COL1A1: variants seen among roughly 807,000 people sequenced by gnomAD.
COL1A1 encodes the protein collagen alpha-1(I) chain.
A neutral mutation model predicts 195.7 loss-of-function variants in COL1A1; 21 were observed. The observed-to-expected ratio is 0.11, with a 90% confidence interval of 0.08 to 0.15. The LOEUF (loss-of-function observed/expected upper bound fraction) is 0.15. Ranked by LOEUF, COL1A1 falls within the 10% of genes least tolerant of loss-of-function variation. COL1A1 has a pLI of 1.00. For synonymous variants in COL1A1, 749 were observed against 747.3 expected, an observed-to-expected ratio of 1.00 and a Z score of -0.04; for missense variants, 1,365 against 2,051.0, an observed-to-expected ratio of 0.67 and a Z score of 6.46.
rs66592376 is a variant in COL1A1 at position 50,192,029 on chromosome 17, G to C, written c.1984-5C>G. ...GCCAAGGTCTCCAGGAACACCCTGAGGGGGAGGGAGAGAGGAACAGACAGT... is the reference window on the plus strand; with the variant it reads ...GCCAAGGTCTCCAGGAACACCCTGACGGGGAGGGAGAGAGGAACAGACAGT... On this transcript the variant is annotated splice_polypyrimidine_tract_variant and splice_region_variant and intron_variant, in intron 29 of 50. Coordinates refer to ENST00000225964, the MANE Select transcript of COL1A1 (RefSeq NM_000088.4). 13 of 1,611,936 alleles carry C rather than the reference G, an allele frequency of 8.1e-6. No individual in the cohort carries two copies. Among genetic ancestry groups the C allele is most frequent in the Middle Eastern group, 1.6e-4 (1 of 6,082 alleles).
intron 26 of COL1A1, 25 bp from the exon 27 acceptor site, chr17:50,192,875 C>G (rs775764038): frequency 1.9e-6 from 3 of 1,613,732 alleles, no homozygotes; most frequent in Non-Finnish European, 2.5e-6. Context: ...CAAAGGGGAA[C>G]TCAGGGTTAG....
rs1906902189 is a variant in COL1A1 at position 50,189,749 on chromosome 17, T to C, written c.2614-17A>G. 1 of 1,613,730 alleles carries C rather than the reference T, an allele frequency of 6.2e-7. No individual in the cohort carries two copies. The highest frequency in any genetic ancestry group is 8.5e-7 in the Non-Finnish European group (1 of 1,179,894). On this transcript the variant is annotated splice_polypyrimidine_tract_variant and intron_variant, in intron 37 of 50. Transcript: ENST00000225964. This position sits in a 1 kb window ranked among gnomAD's most constrained non-coding sequence, Gnocchi z 5.5. Reference sequence around the variant, plus strand: ...AGTAGCACCCTGGAAGGAGAGAACATAGGAACAGTCAGAGGGAGAACAGCC... The same window carrying C: ...AGTAGCACCCTGGAAGGAGAGAACACAGGAACAGTCAGAGGGAGAACAGCC...
chr17:50,194,453 T>C lies in COL1A1; in HGVS notation c.1516-6A>G. On this transcript the variant is annotated splice_region_variant and splice_polypyrimidine_tract_variant and intron_variant, in intron 22 of 50. Transcript: ENST00000225964. The surrounding 1 kb of genome is among the most constrained non-coding windows in gnomAD (Gnocchi z 6.8). Reference sequence around the variant, plus strand: ...CCACGTTCACCAGCGGGACCCTGGTTGGGGGAAGTCACAGGAACAGTTAGG... The same window carrying C: ...CCACGTTCACCAGCGGGACCCTGGTCGGGGGAAGTCACAGGAACAGTTAGG... 2.5e-6 allele frequency: 4 copies of C among 1,613,314 alleles called. No individual in the cohort carries two copies. Among genetic ancestry groups the C allele is most frequent in the Non-Finnish European group, 3.4e-6 (4 of 1,179,716 alleles).
At chr17:50,200,518 C>T (rs1312265522) in intron 1 of COL1A1, among the ~76,000 whole-genome samples, 1 of 152,218 alleles carries the variant, frequency 6.6e-6, no homozygotes, top group Non-Finnish European at 1.5e-5. Flanking sequence ...AGCACCTAGA[C>T]ATCTTAAAAG....
Position 50,186,051 on chromosome 17 carries a change from G to A in COL1A1, c.4006-31C>T, listed in dbSNP as rs779813816. ...GGGGAGGGGAGAGAGGGAAGAGTGAGCCGCTATGCGGGAACCTCTAGTCCT... is the reference window on the plus strand; with the variant it reads ...GGGGAGGGGAGAGAGGGAAGAGTGAACCGCTATGCGGGAACCTCTAGTCCT... On this transcript the variant is annotated intron_variant, in intron 49 of 50. Transcript: ENST00000225964. The surrounding 1 kb of genome is among the most constrained non-coding windows in gnomAD (Gnocchi z 5.3). 8 of 1,609,080 alleles carry A rather than the reference G, an allele frequency of 5.0e-6. No individual in the cohort carries two copies. The highest frequency in any genetic ancestry group is 5.1e-6 in the Non-Finnish European group (6 of 1,179,890).
chr17:50,192,466 C>G lies in COL1A1; in HGVS notation c.1983+9G>C, dbSNP rs201091992. ...TCTCCCACCCCTCTGGCCGGCTGCT[C>G]CCTCTTACCTGTTCACCAGGTTTGC... On this transcript the variant is annotated intron_variant, in intron 29 of 50. Transcript: ENST00000225964. The G allele has an allele frequency of 6.1e-4, 985 of 1,605,990 alleles. 2 individuals carry two copies. The highest frequency in any genetic ancestry group is 5.9e-4 in the Non-Finnish European group (689 of 1,175,994).
At position 50,197,940 on chromosome 17, in the gene COL1A1, A is replaced by C. The variant is rs765031083; in HGVS notation, c.642+9T>G. ...AGAAGGAGTATGAATCTGTATAGAG[A>C]GTGCTTACTGAAGCTCCAGGCTCGC... On this transcript the variant is annotated intron_variant, in intron 8 of 50. Coordinates refer to ENST00000225964, the MANE Select transcript of COL1A1 (RefSeq NM_000088.4). 6.2e-7 allele frequency: 1 copy of C among 1,613,816 alleles called. No individual in the cohort carries two copies. The highest frequency in any genetic ancestry group is 2.2e-5 in the East Asian group (1 of 44,874).
Position 50,190,692 on chromosome 17 carries a change from A to G in COL1A1, c.2344-96T>C. 1 of 1,514,382 alleles carries G rather than the reference A, an allele frequency of 6.6e-7. No homozygotes were observed. The highest frequency in any genetic ancestry group is 1.1e-5 in the South Asian group (1 of 87,338). The allele number at this position is 1,514,382 out of a possible 1,614,324, so 93.8% of individuals were successfully genotyped here. ...AGCCTCCCCTCCTTCTGGTCCCTCC[A>G]GGTTCCCAGGTTGACAGCTCAGTTT... On this transcript the variant is annotated intron_variant, in intron 33 of 50. Transcript: ENST00000225964. This position sits in a 1 kb window ranked among gnomAD's most constrained non-coding sequence, Gnocchi z 4.7.
Position 50,185,300 on chromosome 17 carries a change from T to C in COL1A1, c.*202A>G, listed in dbSNP as rs564917505. 75 of 504,744 alleles carry C rather than the reference T, an allele frequency of 1.5e-4. 1 individual carries two copies. The highest frequency in any genetic ancestry group is 1.1e-3 in the Middle Eastern group (2 of 1,874). The allele number at this position is 504,744 out of a possible 1,614,324, so 31.3% of individuals were successfully genotyped here. The stretch of plus-strand genomic sequence containing the variant: ...TTGGTAAGGTTGAATGCACTTTTGG[T>C]TTTTGGTCATGTTCGGTTGGTCAAA... On this transcript the variant is annotated 3_prime_UTR_variant, in exon 51 of 51. Coordinates refer to ENST00000225964, the MANE Select transcript of COL1A1 (RefSeq NM_000088.4).
chr17:50,188,630 C>T lies in COL1A1; in HGVS notation c.3107G>A (p.Arg1036His), dbSNP rs540596243. ...RDGSPGAKGD[R>H]GETGPAGPPG... ...GGGTCCAGCGGGGCCGGTCTCACCA[C>T]GGTCACCCTGGCGGGGAGAGCAGGG... The change falls in exon 43 of 51, where the codon CGT becomes CAT. Residue 1036 changes from arginine (R) to histidine (H), a missense_variant. Physicochemically the swap from Arg to His is conservative, Grantham distance 29. This residue lies in a region of COL1A1 where 671 missense variants were observed against 1,099.9 expected (regional missense o/e 0.61). Coordinates refer to ENST00000225964, the MANE Select transcript of COL1A1 (RefSeq NM_000088.4). This position sits in a 1 kb window ranked among gnomAD's most constrained non-coding sequence, Gnocchi z 5.6. The T allele has an allele frequency of 1.5e-5, 25 of 1,613,302 alleles. No homozygotes were observed. Among genetic ancestry groups the T allele is most frequent in the East Asian group, 1.3e-4 (6 of 44,810 alleles).
chr17:50,201,285 CTCA>C lies in COL1A1; in HGVS notation c.103+123_103+125del, dbSNP rs539689232. 8.4e-4 allele frequency: 761 copies of C among 906,378 alleles called. 2 individuals are homozygous for C. In the African/African-American group the frequency reaches 0.011, roughly 13 times the overall value. 56.1% of individuals were successfully genotyped at this position (906,378 alleles called of 1,614,324 possible). A position where few individuals can be genotyped will look rare whatever the true frequency, so the allele number is the denominator to read the frequency against. On this transcript the variant is annotated intron_variant, in intron 1 of 50. Coordinates refer to ENST00000225964, the MANE Select transcript of COL1A1 (RefSeq NM_000088.4). ...TGTCTCAGGGCGCCGAGGAAGAGCC[CTCA>C]TCATCTCCCTTCCATTCCCGAGTCT...
In COL1A1 at chr17:50,199,745, A is replaced by T; in HGVS notation, c.298+8T>A. ...GCCCCAGGCCCCAGGCCCCGAGCGC[A>T]GCCGCACCTGAGCCGTCGGGGCAGA... On this transcript the variant is annotated splice_region_variant and intron_variant, in intron 2 of 50. Transcript: ENST00000225964. The T allele has an allele frequency of 6.2e-7, 1 of 1,610,194 alleles. No individual in the cohort carries two copies.
chr17:50,192,318 C>A (rs1185761037), intron 29 of COL1A1, 157 bp downstream of exon 29: 1 of 870,114 alleles, frequency 1.1e-6, no homozygotes. Context: ...ATGCAGCCCC[C>A]ACTTCCCTCT....
In COL1A1 at chr17:50,185,812, C is replaced by T. The variant is rs770826227; in HGVS notation, c.4214G>A (p.Arg1405His). 34 of 1,613,886 alleles carry T rather than the reference C, an allele frequency of 2.1e-5. No homozygotes were observed. Among genetic ancestry groups the T allele is most frequent in the Non-Finnish European group, 2.5e-5 (30 of 1,180,038 alleles). The change falls in exon 50 of 51, where the codon CGC (arginine) becomes CAC (histidine). Residue 1405 changes from arginine to histidine, a missense_variant. By Grantham distance (29) the Arg-to-His change is conservative. Transcript: ENST00000225964. ...EIEIRAEGNS[R>H]FTYSVTVDGC... ...ATCGACAGTGACGCTGTAGGTGAAG[C>T]GGCTGTTGCCCTCGGCGCGGATCTC...
chr17:50,194,113 G>T lies in COL1A1; in HGVS notation c.1668+17C>A. On this transcript the variant is annotated intron_variant, in intron 24 of 50. Transcript: ENST00000225964. This position sits in a 1 kb window ranked among gnomAD's most constrained non-coding sequence, Gnocchi z 6.8. ...AGACAGGACAATGGCAGGGGGTTCA[G>T]GGGGAGTGATACTTACAGGGGGGCC... is the stretch of plus-strand genomic sequence containing the variant. 6.2e-7 allele frequency: 1 copy of T among 1,612,904 alleles called. No homozygotes were observed. The highest frequency in any genetic ancestry group is 8.5e-7 in the Non-Finnish European group (1 of 1,179,070).
chr17:50,190,989 TTG>T lies in COL1A1; in HGVS notation c.2236-67_2236-66del. 1 of 1,502,130 alleles carries T rather than the reference TTG, an allele frequency of 6.7e-7. No homozygotes were observed. The highest frequency in any genetic ancestry group is 1.7e-5 in the Admixed American group (1 of 57,626). The allele number at this position is 1,502,130 out of a possible 1,614,324, so 93.1% of individuals were successfully genotyped here. On this transcript the variant is annotated intron_variant, in intron 32 of 50. Transcript: ENST00000225964. The surrounding 1 kb of genome is among the most constrained non-coding windows in gnomAD (Gnocchi z 4.7). ...AAGGAGGTGACCTATAGTGTTCTGC[TTG>T]TGTCTGGGTTTCCTGAGAGGCCCTC...
At position 50,186,011 on chromosome 17, in the gene COL1A1, C is replaced by A. The variant is rs1906487390; in HGVS notation, c.4015G>T (p.Gly1339Cys). 6.2e-7 allele frequency: 1 copy of A among 1,613,174 alleles called. No individual in the cohort carries two copies. The highest frequency in any genetic ancestry group is 1.1e-5 in the South Asian group (1 of 91,074). ...TCGGCAGGGTCGGAGCCCTGGCCGC[C>A]ATACTCGAACTGCAGGGGAGGGGAG... ...SMTDGFQFEY[G>C]GQGSDPADVA... Residue 1339 changes from glycine (G) to cysteine (C), a missense_variant, in exon 50 of 51, where the codon GGC becomes TGC. Gly to Cys is a radical substitution (Grantham distance 159). Around this residue, in one of 5 missense-constraint regions of COL1A1, gnomAD observed 273 missense variants for 338.6 expected, o/e 0.81. Transcript: ENST00000225964. This position sits in a 1 kb window ranked among gnomAD's most constrained non-coding sequence, Gnocchi z 5.3.
At position 50,189,255 on chromosome 17, in the gene COL1A1, C is replaced by A; in HGVS notation, c.2850G>T (p.Gly950=). 1 of 1,613,888 alleles carries A rather than the reference C, an allele frequency of 6.2e-7. No homozygotes were observed. The highest frequency in any genetic ancestry group is 1.3e-5 in the African/African-American group (1 of 74,962). Residue 950 remains glycine, a synonymous_variant, in exon 40 of 51, where the codon GGG becomes GGT. Transcript: ENST00000225964. This position sits in a 1 kb window ranked among gnomAD's most constrained non-coding sequence, Gnocchi z 5.5. ...CACGCTGTCCAGCAATACCTTGAGG[C>A]CCGGGAGTACCAGGAGCACCCTTTG... ...DGPAGAPGTP[G]PQGIAGQRGV...
Position 50,190,431 on chromosome 17 carries a change from G to A in COL1A1, c.2398-51C>T, listed in dbSNP as rs770450635. Reference sequence around the variant, plus strand: ...GAGATGCGCTGACAGGAGGGAAGGCGGGGATGCGGTGAGGGGAGAGGCAAG... The same window carrying A: ...GAGATGCGCTGACAGGAGGGAAGGCAGGGATGCGGTGAGGGGAGAGGCAAG... On this transcript the variant is annotated intron_variant, in intron 34 of 50. Coordinates refer to ENST00000225964, the MANE Select transcript of COL1A1 (RefSeq NM_000088.4). This position sits in a 1 kb window ranked among gnomAD's most constrained non-coding sequence, Gnocchi z 4.7. 1.5e-5 allele frequency: 24 copies of A among 1,577,032 alleles called. No individual in the cohort carries two copies. Among genetic ancestry groups the A allele is most frequent in the African/African-American group, 2.7e-5 (2 of 74,110 alleles).
Sources: gnomAD v4.1 joint callset for allele counts (sites outside exome capture counted in the v4.1 genomes callset) on GRCh38, gnomAD v4.1.1 for gene constraint, gnomAD v4.1.1 regional missense constraint, Gnocchi (gnomAD v3.1) non-coding constraint, MANE v1.5 for transcripts, NCBI Gene and HGNC (gene_info 2026-07-23, HGNC 2026-07-21) for gene names.